The following TTC6 variants were observed in gnomAD, a reference collection of about 807,000 sequenced individuals.
TTC6 encodes the protein tetratricopeptide repeat protein 6.
A neutral mutation model predicts 210.4 loss-of-function variants in TTC6; 172 were observed. The ratio of observed to expected loss-of-function variants is 0.82; its 90% CI spans 0.72 to 0.93. The LOEUF (loss-of-function observed/expected upper bound fraction) is 0.93, where lower values mean the gene tolerates loss of function less well. Ranked by LOEUF, TTC6 falls within the 40% of genes least tolerant of loss-of-function variation. TTC6 has a pLI of 0.00. For synonymous variants in TTC6, 804 were observed against 819.6 expected (o/e 0.98, Z 0.32); for missense variants, 2,414 against 2,318.1 (o/e 1.04, Z -0.85).
At chr14:37,732,218 T>C (rs751350342) in intron 7 of TTC6, among the ~76,000 whole-genome samples, 20 of 131,264 alleles carry the variant, frequency 1.5e-4, no homozygotes, top group Non-Finnish European at 2.9e-4. Context: ...AGTCTCACTC[T>C]GTCACCCAGG....
chr14:37,655,017 A>G (rs996449378), intron 1 of TTC6, among the ~76,000 whole-genome samples: 1 of 152,132 alleles, frequency 6.6e-6, no homozygotes, highest in East Asian at 1.9e-4. Context: ...TACCCTGGGA[A>G]TGGGTTTGGA....
At chr14:37,658,428 G>A (rs1366669254) in intron 1 of TTC6, among the ~76,000 whole-genome samples, 1 of 152,162 alleles carries the variant, frequency 6.6e-6, no homozygotes, top group Non-Finnish European at 1.5e-5. Context: ...GAAAGTGTGT[G>A]TGAGGTGGTG....
chr14:37,677,475 T>C (rs1001333248), intron 1 of TTC6, among the ~76,000 whole-genome samples: 1 of 152,068 alleles, frequency 6.6e-6, no homozygotes, highest in Non-Finnish European at 1.5e-5. Context: ...ATATGTGTAA[T>C]CATATTCATT....
intron 3 of TTC6, among the ~76,000 whole-genome samples, chr14:37,685,664 A>G (rs1436407452): frequency 6.6e-6 from 1 of 152,172 alleles, no homozygotes. Context: ...AGAAGAATTC[A>G]TAATAGAAAC....
At chr14:37,784,755 G>C (rs1460639607) in intron 14 of TTC6, among the ~76,000 whole-genome samples, 1 of 152,178 alleles carries the variant, frequency 6.6e-6, no homozygotes, top group African/African-American at 2.4e-5. Context: ...TGCAGTGGCT[G>C]GTACTGGTTG....
chr14:37,647,609 A>AGGTGCCTAATATACTTCC (rs1263522780), intron 1 of TTC6, among the ~76,000 whole-genome samples: 52 of 152,300 alleles, frequency 3.4e-4, no homozygotes, highest in African/African-American at 1.2e-3. Context: ...GTTAAGTTTG[A>AGGTGCCTAATATACTTCC]GGTGCCTAAT....
chr14:37,748,383 C>T (rs2095942287), intron 10 of TTC6, among the ~76,000 whole-genome samples: 1 of 152,150 alleles, frequency 6.6e-6, no homozygotes, highest in African/African-American at 2.4e-5. Flanking sequence ...GCACATGTTA[C>T]TCAATGAAGA....
chr14:37,833,267 A>C (rs970897077), intron 29 of TTC6, among the ~76,000 whole-genome samples: 1 of 152,154 alleles, frequency 6.6e-6, no homozygotes, highest in East Asian at 1.9e-4. Flanking sequence ...TTTACCTATA[A>C]TAATTGCTTT....
At chr14:37,727,186 A>G (rs1057468558) in intron 7 of TTC6, among the ~76,000 whole-genome samples, 2 of 151,266 alleles carry the variant, frequency 1.3e-5, no homozygotes, top group African/African-American at 4.9e-5. Context: ...AACCTTTTGT[A>G]TTAATTATTA....
Position 37,661,098 on chromosome 14 carries a change from A to C in TTC6, c.940-19053A>C, listed in dbSNP as rs113914488. On this transcript the variant is annotated intron_variant, in intron 1 of 30. Transcript: ENST00000553443. ...ATTCTGGATATTAAACCTTTGTTGG[A>C]TAGGTAGATTGCAGAAATTTTCTCC... 1.3e-5 allele frequency among the ~76,000 whole-genome samples: 2 copies of C among 152,114 alleles called. 1 individual carries two copies. The highest frequency in any genetic ancestry group is 4.8e-5 in the African/African-American group (2 of 41,482).
chr14:37,808,825 C>A, exon 24 of TTC6: 2 of 1,532,156 alleles, frequency 1.3e-6, no homozygotes, highest in East Asian at 2.5e-5. Context: ...TATGTTACAC[C>A]AAGATAAGGG....
intron 14 of TTC6, among the ~76,000 whole-genome samples, chr14:37,780,914 C>T (rs184242231): frequency 8.8e-4 from 133 of 151,972 alleles, no homozygotes; most frequent in Admixed American, 5.1e-3. Flanking sequence ...TTGCTAAGAA[C>T]GATGATTTCC....
At chr14:37,609,295 A>G (rs1489658721) in intron 2 of TTC6, among the ~76,000 whole-genome samples, 1 of 152,096 alleles carries the variant, frequency 6.6e-6, no homozygotes, top group African/African-American at 2.4e-5. Context: ...ACACTCCTGT[A>G]GTTCCCGCTA....
chr14:37,814,318 C>G (rs909506740), intron 25 of TTC6, among the ~76,000 whole-genome samples: 21 of 152,314 alleles, frequency 1.4e-4, no homozygotes, highest in Middle Eastern at 3.4e-3. Context: ...GCGTACAGCA[C>G]TCTTCCTCCT....
chr14:37,827,450 A>G (rs779320857), intron 29 of TTC6, 84 bp downstream of exon 31: 12 of 1,310,650 alleles, frequency 9.2e-6, no homozygotes, highest in Middle Eastern at 3.9e-4. Context: ...AATTCATACA[A>G]TCTCAGGCTA....
chr14:37,732,196 T>G (rs2095888334), intron 7 of TTC6, among the ~76,000 whole-genome samples: 2 of 138,006 alleles, frequency 1.4e-5, no homozygotes, highest in South Asian at 4.8e-4. Context: ...TTTTTTTTTT[T>G]TTTTGAGAGA....
intron 14 of TTC6, among the ~76,000 whole-genome samples, chr14:37,767,184 T>C (rs1407118955): frequency 6.6e-6 from 1 of 152,224 alleles, no homozygotes; most frequent in African/African-American, 2.4e-5. Context: ...CACATTTTCT[T>C]AATCCAGTCT....
chr14:37,650,645 C>T (rs177863), intron 1 of TTC6, among the ~76,000 whole-genome samples: 1 of 152,052 alleles, frequency 6.6e-6, no homozygotes, highest in East Asian at 1.9e-4. Flanking sequence ...CTTCTTGTCT[C>T]TGCTAGATCT....
intron 6 of TTC6, among the ~76,000 whole-genome samples, chr14:37,719,636 G>C (rs2095858138): frequency 6.6e-6 from 1 of 152,060 alleles, no homozygotes; most frequent in South Asian, 2.1e-4. Flanking sequence ...TGCTCAATCA[G>C]TTGTACATCC....
Sources: gnomAD v4.1 joint callset for allele counts (sites outside exome capture counted in the v4.1 genomes callset) on GRCh38, gnomAD v4.1.1 for gene constraint, MANE v1.5 for transcripts, NCBI Gene and HGNC (gene_info 2026-07-23, HGNC 2026-07-21) for gene names.